The following SEC22C variants were observed in gnomAD, a reference collection of about 807,000 sequenced individuals.
SEC22C encodes the protein vesicle-trafficking protein SEC22c.
Under a neutral mutation model 34.7 loss-of-function variants are expected in SEC22C, and 29 were observed. The observed-to-expected ratio is 0.84, with a 90% CI of 0.62 to 1.14. The LOEUF (loss-of-function observed/expected upper bound fraction) is 1.14. Ranked by LOEUF, SEC22C falls within the 50% of genes most tolerant of loss-of-function variation. SEC22C has a pLI of 0.00. For synonymous variants in SEC22C, 117 were observed against 132.8 expected (o/e 0.88, Z 0.82); for missense variants, 337 against 369.0 (o/e 0.91, Z 0.71).
At position 42,549,699 on chromosome 3, in the gene SEC22C, T is replaced by G. The variant is rs547929898; in HGVS notation, c.*3549A>C. Reference sequence around the variant, plus strand: ...ATGGTTTTCTCATCCCTCCAGAGACTCCAGTTTCAGACTCTGTCTCCAGAG... The same window carrying G: ...ATGGTTTTCTCATCCCTCCAGAGACGCCAGTTTCAGACTCTGTCTCCAGAG... On this transcript the variant is annotated 3_prime_UTR_variant, in exon 7 of 7. Coordinates refer to ENST00000264454, the MANE Select transcript of SEC22C (RefSeq NM_032970.4). The G allele has an allele frequency of 5.7e-3, 5,621 of 985,494 alleles. 13 individuals carry two copies. Among genetic ancestry groups the G allele is most frequent in the Non-Finnish European group, 6.5e-3 (5,354 of 829,964 alleles). 61.0% of individuals were successfully genotyped at this position (985,494 alleles called of 1,614,324 possible).
rs749831657 is a variant in SEC22C at position 42,563,506 on chromosome 3, GAA to G, written c.346+15_346+16del. 7.4e-5 allele frequency: 118 copies of G among 1,597,900 alleles called. No homozygotes were observed. In the African/African-American group the frequency reaches 1.5e-3, roughly 21 times the overall value. ...CACCATGGAAGAGAAAAATAAATATGAAAGAGGGTTACAAACCAAACTCAAGA... is the reference window on the plus strand; with the variant it reads ...CACCATGGAAGAGAAAAATAAATATGAGAGGGTTACAAACCAAACTCAAGA... On this transcript the variant is annotated intron_variant, in intron 3 of 6. Transcript: ENST00000264454.
Position 42,553,267 on chromosome 3 carries a change from T to G in SEC22C, c.893A>C (p.Gln298Pro), listed in dbSNP as rs1702335379. Reference sequence around the variant, plus strand: ...TCATCCTCATACTCCACAGTCAGACTGCTTCTCCTGAAGCTGCCTTGTTAG... The same window carrying G: ...TCATCCTCATACTCCACAGTCAGACGGCTTCTCCTGAAGCTGCCTTGTTAG... ...QILTRQLQEK[Q>P]SDCGV Residue 298 changes from glutamine to proline, a missense_variant, in exon 7 of 7, where the codon CAG (glutamine) becomes CCG (proline). By Grantham distance (76) the Gln-to-Pro change is moderately conservative (BLOSUM62 -1). Coordinates refer to ENST00000264454, the MANE Select transcript of SEC22C (RefSeq NM_032970.4). The G allele has an allele frequency of 6.2e-7, 1 of 1,614,182 alleles. No individual in the cohort carries two copies. The highest frequency in any genetic ancestry group is 8.5e-7 in the Non-Finnish European group (1 of 1,180,030).
chr3:42,553,581 C>T, intron 6 of SEC22C, 133 bp from the exon 7 acceptor site: 4 of 1,343,008 alleles, frequency 3.0e-6, no homozygotes, highest in South Asian at 1.5e-5. Flanking sequence ...GAATTCATTA[C>T]AGTAAAGCGT....
chr3:42,548,883 C>T lies in SEC22C; in HGVS notation c.*4365G>A. On this transcript the variant is annotated 3_prime_UTR_variant, in exon 7 of 7. Transcript: ENST00000264454. Reference sequence around the variant, plus strand: ...ACCAGGTGAATGTAAAGCCTTTCTCCTCCCACACACAATGGACTCACCCAG... The same window carrying T: ...ACCAGGTGAATGTAAAGCCTTTCTCTTCCCACACACAATGGACTCACCCAG... 1 of 1,361,400 alleles carries T rather than the reference C, an allele frequency of 7.3e-7. No homozygotes were observed. The allele number at this position is 1,361,400 out of a possible 1,614,324, so 84.3% of individuals were successfully genotyped here. A position where few individuals can be genotyped will look rare whatever the true frequency, so the allele number is the denominator to read the frequency against.
intron 2 of SEC22C, among the ~76,000 whole-genome samples, chr3:42,567,216 A>G (rs930071275): frequency 2.0e-5 from 3 of 152,218 alleles, no homozygotes; most frequent in Non-Finnish European, 1.5e-5. Flanking sequence ...CCCTGTCTCT[A>G]AAAAATAAAA....
chr3:42,601,021 C>T lies in SEC22C; in HGVS notation c.-89G>A. 3.2e-6 allele frequency: 5 copies of T among 1,579,930 alleles called. No homozygotes were observed. In the African/African-American group the frequency reaches 5.5e-5, roughly 17 times the overall value. ...CCTCGGTCGCGATGGGGGCGCAGGA[C>T]CGGCCGCAGTGCCACTTCGACATCG... On this transcript the variant is annotated 5_prime_UTR_variant, in exon 1 of 7. Transcript: ENST00000417572.
chr3:42,592,454 C>T (rs1318847084), intron 1 of SEC22C, among the ~76,000 whole-genome samples: 1 of 152,184 alleles, frequency 6.6e-6, no homozygotes. Context: ...CCCACCTCGA[C>T]CTCCCAAAGT....
intron 5 of SEC22C, among the ~76,000 whole-genome samples, chr3:42,557,062 T>C (rs1702574437): frequency 6.6e-6 from 1 of 152,202 alleles, no homozygotes; most frequent in Non-Finnish European, 1.5e-5. Flanking sequence ...ACTTCAAAAT[T>C]TTAAAACTGT....
intron 1 of SEC22C, among the ~76,000 whole-genome samples, chr3:42,589,108 C>CA (rs35697413): frequency 0.11 from 16,418 of 145,462 alleles, 975 homozygotes; most frequent in South Asian, 0.15. Context: ...ACTAAAGATA[C>CA]AAAAAAAAAA....
intron 1 of SEC22C, chr3:42,600,929 C>A: frequency 8.8e-7 from 1 of 1,140,484 alleles, no homozygotes; most frequent in Non-Finnish European, 1.2e-6. Flanking sequence ...CTCGCCCCTG[C>A]CCTCGCCCCC....
At chr3:42,581,280 AAT>A (rs1348154476) in intron 1 of SEC22C, 1 of 152,204 alleles carries the variant, frequency 6.6e-6, no homozygotes, top group Admixed American at 6.5e-5. Context: ...TCACACTGGC[AAT>A]AGTCTTCCGT....
rs1052001645 is a variant in SEC22C, at chr3:42,550,098, G to C, written c.*3150C>G. On this transcript the variant is annotated 3_prime_UTR_variant, in exon 7 of 7. Transcript: ENST00000264454. Reference sequence around the variant, plus strand: ...ATATTAGGGAAGGGGAAACCTTTTGGGCTCTGGCCCCGTGGTTGGGAAACC... The same window carrying C: ...ATATTAGGGAAGGGGAAACCTTTTGCGCTCTGGCCCCGTGGTTGGGAAACC... The C allele has an allele frequency of 1.0e-6, 1 of 985,354 alleles. No individual in the cohort carries two copies. The highest frequency in any genetic ancestry group is 6.1e-5 in the Admixed American group (1 of 16,262). The allele number at this position is 985,354 out of a possible 1,614,324, so 61.0% of individuals were successfully genotyped here. A position where few individuals can be genotyped will look rare whatever the true frequency, so the allele number is the denominator to read the frequency against.
intron 1 of SEC22C, chr3:42,591,631 C>G (rs1203262757): frequency 2.0e-6 from 3 of 1,519,004 alleles, no homozygotes; most frequent in Non-Finnish European, 2.7e-6. Flanking sequence ...CGCCCCTGAC[C>G]TGTGGGTAGA....
intron 1 of SEC22C, chr3:42,594,462 A>G (rs749191379): frequency 1.9e-6 from 3 of 1,614,022 alleles, no homozygotes; most frequent in Admixed American, 1.7e-5. Context: ...TTATTTGGCT[A>G]CCATTGCAGA....
At chr3:42,594,272 C>A in intron 1 of SEC22C, 1 of 625,370 alleles carries the variant, frequency 1.6e-6, no homozygotes, top group Non-Finnish European at 2.9e-6. Context: ...CTATATTTTC[C>A]TTAAATATGT....
chr3:42,560,781 G>T (rs1386372944), intron 4 of SEC22C, among the ~76,000 whole-genome samples: 1 of 152,006 alleles, frequency 6.6e-6, no homozygotes, highest in Non-Finnish European at 1.5e-5. Flanking sequence ...TGAGACTACA[G>T]GCACGAGCCA....
Position 42,552,550 on chromosome 3 carries a change from T to G in SEC22C, c.*698A>C, listed in dbSNP as rs1702302715. 1 of 979,474 alleles carries G rather than the reference T, an allele frequency of 1.0e-6. No individual in the cohort carries two copies. Among genetic ancestry groups the G allele is most frequent in the South Asian group, 4.7e-5 (1 of 21,182 alleles). The allele number at this position is 979,474 out of a possible 1,614,324, so 60.7% of individuals were successfully genotyped here. A position where few individuals can be genotyped will look rare whatever the true frequency, so the allele number is the denominator to read the frequency against. On this transcript the variant is annotated 3_prime_UTR_variant, in exon 7 of 7. Transcript: ENST00000264454. ...TTCGGATATACCCTGCAAATAAATA[T>G]AAAACATCTCTGTACCCAAACAGTC...
chr3:42,567,929 G>A (rs1010018034), intron 2 of SEC22C, among the ~76,000 whole-genome samples: 3 of 152,032 alleles, frequency 2.0e-5, no homozygotes, highest in African/African-American at 4.8e-5. Context: ...AAAATTAGCC[G>A]GGCGTGGTGG....
intron 1 of SEC22C, among the ~76,000 whole-genome samples, chr3:42,572,218 CAAA>C (rs540416562): frequency 8.6e-5 from 7 of 81,716 alleles, no homozygotes; most frequent in Non-Finnish European, 1.4e-4. Flanking sequence ...GGGTACAGAC[CAAA>C]AAAAAAAAAA....
Sources: gnomAD v4.1 joint callset for allele counts (sites outside exome capture counted in the v4.1 genomes callset) on GRCh38, gnomAD v4.1.1 for gene constraint, MANE v1.5 for transcripts, NCBI Gene and HGNC (gene_info 2026-07-23, HGNC 2026-07-21) for gene names.